ZNF804B: variants seen among roughly 807,000 people sequenced by gnomAD.
ZNF804B encodes the protein zinc finger protein 804B.
A neutral mutation model predicts 101.4 loss-of-function variants in ZNF804B; 80 were observed. The ratio of observed to expected loss-of-function variants is 0.79; its 90% CI spans 0.66 to 0.95. ZNF804B has a LOEUF of 0.95. Among genes scored for constraint, ZNF804B ranks in the 40% least tolerant of loss-of-function variants. The probability of loss-of-function intolerance (pLI) is 0.00; values close to 1 mark genes in which losing one functional copy is unlikely to be tolerated. For synonymous variants in ZNF804B, 622 were observed against 558.8 expected, an observed-to-expected ratio of 1.11 and a Z score of -1.59; for missense variants, 1,673 against 1,561.9, an observed-to-expected ratio of 1.07 and a Z score of -1.20.
chr7:88,925,760 G>T (rs1792787729), intron 1 of ZNF804B, among the ~76,000 whole-genome samples: 1 of 152,088 alleles, frequency 6.6e-6, no homozygotes, highest in African/African-American at 2.4e-5. Flanking sequence ...AGAGTAGAAA[G>T]GATGGTGCAG....
chr7:89,057,484 G>A (rs1225397111), intron 1 of ZNF804B, among the ~76,000 whole-genome samples: 2 of 139,108 alleles, frequency 1.4e-5, no homozygotes, highest in Non-Finnish European at 3.1e-5. Context: ...GACTAGGAAA[G>A]CAAGGAAAAA....
At chr7:88,917,575 C>G (rs761830968) in intron 1 of ZNF804B, among the ~76,000 whole-genome samples, 1 of 152,130 alleles carries the variant, frequency 6.6e-6, no homozygotes, top group Non-Finnish European at 1.5e-5. Flanking sequence ...AGATGCTATT[C>G]TTGGAATAGA....
chr7:89,230,164 T>C (rs771928974), intron 2 of ZNF804B, among the ~76,000 whole-genome samples: 2 of 151,578 alleles, frequency 1.3e-5, no homozygotes, highest in Non-Finnish European at 2.9e-5. Flanking sequence ...ACAGAAGAGA[T>C]AAAAATTAGA....
rs78204877 is a variant in ZNF804B at position 88,823,558 on chromosome 7, A to G, written c.108+63474A>G. 2.9e-3 allele frequency among the ~76,000 whole-genome samples: 437 copies of G among 152,244 alleles called. 1 individual carries two copies. The highest frequency in any genetic ancestry group is 9.9e-3 in the African/African-American group (412 of 41,578). On this transcript the variant is annotated intron_variant, in intron 1 of 3. Transcript: ENST00000333190. ...TCTGACAGGGGGTGCCAGGCTCAGA[A>G]TCAGGGCATAGATGGTGGGAAGGAA...
intron 1 of ZNF804B, among the ~76,000 whole-genome samples, chr7:88,771,396 G>A (rs868410868): frequency 5.3e-5 from 8 of 152,084 alleles, no homozygotes; most frequent in Middle Eastern, 6.8e-3. Context: ...AATCATATGT[G>A]TACAGCTTTT....
At chr7:88,895,351 A>G (rs1311167084) in intron 1 of ZNF804B, among the ~76,000 whole-genome samples, 2 of 152,244 alleles carry the variant, frequency 1.3e-5, no homozygotes, top group African/African-American at 4.8e-5. Flanking sequence ...GAAGGCTAGA[A>G]TAAACCTTGC....
chr7:89,115,409 C>G (rs1790294063), intron 1 of ZNF804B, among the ~76,000 whole-genome samples: 1 of 152,142 alleles, frequency 6.6e-6, no homozygotes, highest in Non-Finnish European at 1.5e-5. Flanking sequence ...TGTTTGGTGT[C>G]CTGAAGGTTT....
At chr7:89,033,275 T>G (rs933965974) in intron 1 of ZNF804B, among the ~76,000 whole-genome samples, 1 of 152,164 alleles carries the variant, frequency 6.6e-6, no homozygotes, top group African/African-American at 2.4e-5. Flanking sequence ...CCAATTCACG[T>G]TGTCACAAAT....
chr7:89,286,295 G>A (rs1388804134), intron 2 of ZNF804B, among the ~76,000 whole-genome samples: 2 of 151,936 alleles, frequency 1.3e-5, no homozygotes, highest in South Asian at 4.1e-4. Context: ...AAAAGAAGAA[G>A]AAGAAGAAAA....
intron 1 of ZNF804B, among the ~76,000 whole-genome samples, chr7:88,780,860 G>A (rs1424146221): frequency 6.6e-6 from 1 of 152,074 alleles, no homozygotes; most frequent in African/African-American, 2.4e-5. Flanking sequence ...TTCTTCACAG[G>A]AAGAAATAAA....
In ZNF804B at chr7:89,336,224, A is replaced by C. The variant is rs1251782923; in HGVS notation, c.3242A>C (p.Lys1081Thr). 1.9e-6 allele frequency: 3 copies of C among 1,613,746 alleles called. No individual in the cohort carries two copies. In the African/African-American group the frequency reaches 4.0e-5, roughly 22 times the overall value. The change falls in exon 4 of 4, where the codon AAA (lysine) becomes ACA (threonine). Residue 1081 changes from lysine to threonine, a missense_variant. By Grantham distance (78) the Lys-to-Thr change is moderately conservative. Coordinates refer to ENST00000333190, the MANE Select transcript of ZNF804B (RefSeq NM_181646.5). ...NEFPGAFPSN[K>T]YTGVTDSTET... is the part of the protein sequence containing the mutation. ...TTCCCTGGTGCTTTTCCGTCTAATAAATATACTGGTGTGACTGATTCAACA... is the reference window on the plus strand; with the variant it reads ...TTCCCTGGTGCTTTTCCGTCTAATACATATACTGGTGTGACTGATTCAACA...
chr7:88,864,421 G>A (rs931415323), intron 1 of ZNF804B, among the ~76,000 whole-genome samples: 1 of 152,130 alleles, frequency 6.6e-6, no homozygotes, highest in Non-Finnish European at 1.5e-5. Flanking sequence ...CAATCTCAGG[G>A]CCAGGCAAAT....
intron 1 of ZNF804B, among the ~76,000 whole-genome samples, chr7:88,859,442 A>G (rs968490899): frequency 2.6e-5 from 4 of 151,632 alleles, no homozygotes; most frequent in Admixed American, 1.3e-4. Flanking sequence ...TAATAATTCA[A>G]TCTACTTTTA....
intron 1 of ZNF804B, among the ~76,000 whole-genome samples, chr7:88,879,874 C>T (rs1792007128): frequency 6.6e-6 from 1 of 151,554 alleles, no homozygotes. Flanking sequence ...CCCCGTTTCT[C>T]CAAAAAATAC....
intron 1 of ZNF804B, among the ~76,000 whole-genome samples, chr7:88,872,949 T>C (rs1315055383): frequency 6.6e-6 from 1 of 152,006 alleles, no homozygotes; most frequent in East Asian, 1.9e-4. Context: ...TGTGTCTTTA[T>C]AGCAGCATGA....
chr7:89,107,775 A>G (rs1254615032), intron 1 of ZNF804B, among the ~76,000 whole-genome samples: 1 of 152,130 alleles, frequency 6.6e-6, no homozygotes, highest in Non-Finnish European at 1.5e-5. Flanking sequence ...CATAATCCAT[A>G]CAAAAAGAAC....
intron 1 of ZNF804B, among the ~76,000 whole-genome samples, chr7:88,854,419 CTTT>C (rs1791504274): frequency 1.4e-3 from 104 of 76,380 alleles, no homozygotes; most frequent in Middle Eastern, 5.5e-3. Flanking sequence ...TTCTTCCTTT[CTTT>C]CTTTCTTTCT....
chr7:89,004,927 A>T (rs1190751004), intron 1 of ZNF804B, among the ~76,000 whole-genome samples: 1 of 151,886 alleles, frequency 6.6e-6, no homozygotes, highest in South Asian at 2.1e-4. Flanking sequence ...TATTTTGTGT[A>T]TCAGATTTCT....
intron 1 of ZNF804B, among the ~76,000 whole-genome samples, chr7:88,926,949 G>GGGGGA (rs1792812983): frequency 1.3e-5 from 2 of 149,158 alleles, no homozygotes; most frequent in African/African-American, 2.5e-5. Flanking sequence ...GGAGCGGGGG[G>GGGGGA]AAAGCTGTTC....
Sources: allele counts gnomAD v4.1 joint callset (sites outside exome capture counted in the v4.1 genomes callset), GRCh38; gene constraint gnomAD v4.1.1; transcripts MANE v1.5; gene names NCBI Gene and HGNC (gene_info 2026-07-23, HGNC 2026-07-21).